The following GAREM1 variants were observed in gnomAD, a reference collection of about 807,000 sequenced individuals.
GAREM1 encodes GRB2-associated and regulator of MAPK protein 1.
In GAREM1, 26 loss-of-function variants were observed where a neutral mutation model predicts 71.3. That is an observed-to-expected ratio of 0.36 (90% confidence interval 0.27 to 0.51). GAREM1 has a LOEUF of 0.51. GAREM1 is among the 20% of genes least tolerant of loss of function. The pLI is 0.95. For synonymous variants in GAREM1, 440 were observed against 433.2 expected, an observed-to-expected ratio of 1.02 and a Z score of -0.20; for missense variants, 1,026 against 1,103.1, an observed-to-expected ratio of 0.93 and a Z score of 0.99.
chr18:32,387,875 A>G (rs1296208379), intron 2 of GAREM1, among the ~76,000 whole-genome samples: 1 of 152,138 alleles, frequency 6.6e-6, no homozygotes, highest in Non-Finnish European at 1.5e-5. Context: ...TATCTTTAAA[A>G]CGCTGAGTTT....
intron 2 of GAREM1, among the ~76,000 whole-genome samples, chr18:32,320,086 A>T (rs1255759135): frequency 6.6e-6 from 1 of 152,140 alleles, no homozygotes; most frequent in Admixed American, 6.5e-5. Flanking sequence ...CATATTGTCA[A>T]ACTAAGAGGT....
chr18:32,416,770 C>G (rs1381065649), intron 1 of GAREM1, among the ~76,000 whole-genome samples: 1 of 152,086 alleles, frequency 6.6e-6, no homozygotes, highest in Non-Finnish European at 1.5e-5. Flanking sequence ...TATGAAACTA[C>G]TAAAAGAAAA....
intron 2 of GAREM1, among the ~76,000 whole-genome samples, chr18:32,355,371 G>C (rs2047794153): frequency 6.6e-6 from 1 of 151,992 alleles, no homozygotes; most frequent in Non-Finnish European, 1.5e-5. Flanking sequence ...TTTTGTGAAA[G>C]GTTTTTTGCA....
chr18:32,270,534 A>G (rs2041445347), intron 4 of GAREM1, 151 bp from the exon 5 acceptor site: 1 of 617,502 alleles, frequency 1.6e-6, no homozygotes, highest in East Asian at 3.0e-5. Context: ...AACAAGAATG[A>G]TAGGAAGCAC....
At chr18:32,311,550 G>A (rs1200625676) in intron 2 of GAREM1, among the ~76,000 whole-genome samples, 1 of 152,210 alleles carries the variant, frequency 6.6e-6, no homozygotes, top group Non-Finnish European at 1.5e-5. Context: ...GGGGGATGGA[G>A]AGTGCAGGGA....
chr18:32,328,114 T>C (rs2047491519), intron 2 of GAREM1, among the ~76,000 whole-genome samples: 1 of 152,218 alleles, frequency 6.6e-6, no homozygotes, highest in African/African-American at 2.4e-5. Context: ...ATCAATGTAT[T>C]ACTCTGTTCA....
In GAREM1 at chr18:32,470,695, G is replaced by GGGCGGC. The variant is rs923233701; in HGVS notation, c.-273_-268dup. ...AGACTCAGAGCAGCCGCGCGGCTGC[G>GGGCGGC]GGCGGCGGCGGCGGCCCGGGTGGCT... On this transcript the variant is annotated 5_prime_UTR_variant, in exon 1 of 6. Coordinates refer to ENST00000269209, the MANE Select transcript of GAREM1 (RefSeq NM_001242409.2). The surrounding 1 kb of genome is among the most constrained non-coding windows in gnomAD (Gnocchi z 4.4). 6.0e-5 allele frequency among the ~76,000 whole-genome samples: 9 copies of GGGCGGC among 149,644 alleles called. No homozygotes were observed. Among genetic ancestry groups the GGGCGGC allele is most frequent in the South Asian group, 2.1e-4 (1 of 4,810 alleles).
chr18:32,281,226 G>A (rs1302654785), intron 4 of GAREM1, among the ~76,000 whole-genome samples: 5 of 152,094 alleles, frequency 3.3e-5, no homozygotes, highest in Non-Finnish European at 5.9e-5. Context: ...AATGCTGCAC[G>A]CCTCTAATTA....
intron 4 of GAREM1, among the ~76,000 whole-genome samples, chr18:32,282,134 C>T (rs1401317406): frequency 6.6e-6 from 1 of 152,134 alleles, no homozygotes; most frequent in Admixed American, 6.5e-5. Context: ...CGGACTCAGC[C>T]CGCCTGCACC....
At chr18:32,308,519 A>T (rs1455236216) in intron 3 of GAREM1, among the ~76,000 whole-genome samples, 2 of 149,474 alleles carry the variant, frequency 1.3e-5, no homozygotes, top group African/African-American at 5.0e-5. Flanking sequence ...CTAACTTTCT[A>T]AAAAAAACTT....
chr18:32,286,969 G>A lies in GAREM1; in HGVS notation c.1566+62C>T, dbSNP rs916920931. ...TGGGGAGTTTTAAGAAAATAAATTA[G>A]TGGATGACTGAGCAGAGAGACAGAA... is the stretch of plus-strand genomic sequence containing the variant. On this transcript the variant is annotated intron_variant, in intron 4 of 5. Transcript: ENST00000269209. The A allele has an allele frequency of 3.1e-5, 38 of 1,219,028 alleles. 1 individual carries two copies. Among genetic ancestry groups the A allele is most frequent in the Non-Finnish European group, 4.0e-5 (34 of 847,086 alleles). The allele number at this position is 1,219,028 out of a possible 1,614,324, so 75.5% of individuals were successfully genotyped here.
intron 2 of GAREM1, among the ~76,000 whole-genome samples, chr18:32,379,384 G>A (rs2048070498): frequency 6.9e-6 from 1 of 144,984 alleles, no homozygotes; most frequent in African/African-American, 2.6e-5. Context: ...TTTCTATGAC[G>A]TTGCCCAAAC....
chr18:32,354,313 A>G (rs2047784140), intron 2 of GAREM1, among the ~76,000 whole-genome samples: 1 of 152,136 alleles, frequency 6.6e-6, no homozygotes, highest in Non-Finnish European at 1.5e-5. Flanking sequence ...CTTTAAGACA[A>G]CTGTATTATA....
chr18:32,412,078 T>C, intron 1 of GAREM1: 4 of 712,450 alleles, frequency 5.6e-6, no homozygotes, highest in Non-Finnish European at 1.0e-5. Flanking sequence ...ACATGAGTAT[T>C]TGTCTAAAAC....
At chr18:32,305,477 C>T (rs551655475) in intron 3 of GAREM1, among the ~76,000 whole-genome samples, 1 of 152,238 alleles carries the variant, frequency 6.6e-6, no homozygotes, top group African/African-American at 2.4e-5. Context: ...CTCATTGGGG[C>T]TACACTTCTA....
chr18:32,343,797 G>A (rs1353260909), intron 2 of GAREM1, among the ~76,000 whole-genome samples: 3 of 152,144 alleles, frequency 2.0e-5, no homozygotes, highest in African/African-American at 7.2e-5. Context: ...ATCCATGTGA[G>A]CAGTCAGAAT....
At chr18:32,420,437 T>C (rs1250800498) in intron 1 of GAREM1, among the ~76,000 whole-genome samples, 3 of 151,846 alleles carry the variant, frequency 2.0e-5, no homozygotes, top group Non-Finnish European at 4.4e-5. Flanking sequence ...TACACATCTC[T>C]ACCTCCCGGG....
In GAREM1 at chr18:32,279,819, T is replaced by A. The variant is rs1023848678; in HGVS notation, c.1566+7212A>T. 5.3e-5 allele frequency among the ~76,000 whole-genome samples: 8 copies of A among 152,260 alleles called. No homozygotes were observed. The South Asian group carries it at 1.7e-3, about 32-fold the overall frequency. On this transcript the variant is annotated intron_variant, in intron 4 of 5. Coordinates refer to ENST00000269209, the MANE Select transcript of GAREM1 (RefSeq NM_001242409.2). ...TATTATATCCTTATTATCATTCTAA[T>A]CATTAAGATTTTCAATAGACACAGA...
At chr18:32,315,251 T>C (rs2047364444) in intron 2 of GAREM1, among the ~76,000 whole-genome samples, 1 of 151,954 alleles carries the variant, frequency 6.6e-6, no homozygotes, top group Non-Finnish European at 1.5e-5. Context: ...CTAGCAGATA[T>C]AGATACACTA....
Sources: gnomAD v4.1 joint callset for allele counts (sites outside exome capture counted in the v4.1 genomes callset) on GRCh38, gnomAD v4.1.1 for gene constraint, Gnocchi (gnomAD v3.1) non-coding constraint, MANE v1.5 for transcripts, NCBI Gene and HGNC (gene_info 2026-07-23, HGNC 2026-07-21) for gene names.